The following CDC40 variants were observed in gnomAD, a reference collection of about 807,000 sequenced individuals.
The protein encoded by CDC40 is pre-mRNA-processing factor 17.
In CDC40, 27 loss-of-function variants were observed where a neutral mutation model predicts 80.6. The ratio of observed to expected loss-of-function variants is 0.33; its 90% confidence interval spans 0.25 to 0.46. CDC40 has a LOEUF of 0.46. Among genes scored for constraint, CDC40 ranks in the 20% least tolerant of loss-of-function variants. The pLI is 1.00. For missense variants in CDC40, 486 were observed against 694.1 expected, an observed-to-expected ratio of 0.70 and a Z score of 3.37; for synonymous variants, 221 against 232.6, an observed-to-expected ratio of 0.95 and a Z score of 0.45.
intron 3 of CDC40, among the ~76,000 whole-genome samples, chr6:110,207,162 A>G (rs1435202798): frequency 1.3e-5 from 2 of 152,058 alleles, no homozygotes; most frequent in Admixed American, 1.3e-4. Flanking sequence ...AAAAAATACA[A>G]AAGTTAGCTA....
At chr6:110,198,015 C>G (rs1403463402) in intron 2 of CDC40, among the ~76,000 whole-genome samples, 3 of 152,130 alleles carry the variant, frequency 2.0e-5, no homozygotes, top group Admixed American at 2.0e-4. Flanking sequence ...TTCCCACCAA[C>G]AGTATACAAG....
chr6:110,204,658 T>TC (rs1278543351), intron 3 of CDC40, among the ~76,000 whole-genome samples: 1 of 140,608 alleles, frequency 7.1e-6, no homozygotes, highest in African/African-American at 2.8e-5. Flanking sequence ...GTCCTATTTC[T>TC]CTTTTTTTTT....
At chr6:110,224,987 G>C (rs558035682) in intron 12 of CDC40, among the ~76,000 whole-genome samples, 2 of 152,166 alleles carry the variant, frequency 1.3e-5, no homozygotes, top group South Asian at 4.2e-4. Context: ...TAATACTTTT[G>C]GTTCATTATA....
At chr6:110,229,772 T>G (rs1461744382) in intron 14 of CDC40, among the ~76,000 whole-genome samples, 182 bp from the exon 15 acceptor site, 2 of 152,134 alleles carry the variant, frequency 1.3e-5, no homozygotes, top group Non-Finnish European at 2.9e-5. Context: ...GTTGGGAGGT[T>G]TTTTTAATAG....
chr6:110,198,863 G>A (rs1712850002), intron 2 of CDC40: 1 of 152,096 alleles, frequency 6.6e-6, no homozygotes, highest in Admixed American at 6.5e-5. Flanking sequence ...AATCAAATTT[G>A]TGTGTTTTCC....
intron 2 of CDC40, among the ~76,000 whole-genome samples, chr6:110,198,508 T>C (rs1381546942): frequency 1.3e-5 from 2 of 152,170 alleles, no homozygotes; most frequent in East Asian, 1.9e-4. Flanking sequence ...TTTTGAGGAA[T>C]GCTGAGAAAT....
rs74696631 is a variant in CDC40, at chr6:110,207,653, G to A, written c.490+64G>A. 4,392 of 885,550 alleles carry A rather than the reference G, an allele frequency of 5.0e-3. 127 individuals carry two copies. In the African/African-American group the frequency reaches 0.065, roughly 13 times the overall value. The allele number at this position is 885,550 out of a possible 1,614,324, so 54.9% of individuals were successfully genotyped here. A position where few individuals can be genotyped will look rare whatever the true frequency, so the allele number is the denominator to read the frequency against. On this transcript the variant is annotated intron_variant, in intron 4 of 14. Transcript: ENST00000307731. ...ACATCTATAATTAGTGTCTTGCAGA[G>A]TGACTTTAATTAGACAGTAAAAAAT...
intron 8 of CDC40, among the ~76,000 whole-genome samples, chr6:110,213,724 G>C (rs1777666327): frequency 6.6e-6 from 1 of 152,120 alleles, no homozygotes; most frequent in Non-Finnish European, 1.5e-5. Flanking sequence ...TTTTTAGAAA[G>C]TAGAAAATGT....
intron 1 of CDC40, among the ~76,000 whole-genome samples, chr6:110,188,120 C>T (rs1169806311): frequency 6.6e-6 from 1 of 152,094 alleles, no homozygotes. Flanking sequence ...TTAAATTGTA[C>T]TTTGCATTTA....
rs1349349636 is a variant in CDC40, at chr6:110,230,003, A to C, written c.1612A>C (p.Lys538Gln). The change falls in exon 15 of 15, where the codon AAG (lysine) becomes CAG (glutamine). Residue 538 changes from lysine (K) to glutamine (Q), a missense_variant. Physicochemically the swap from Lys to Gln is moderately conservative, Grantham distance 53. Transcript: ENST00000307731. ...GNGKLNIWDW[K>Q]TTKLYSRFKA... ...TGGAAAATTAAACATTTGGGACTGG[A>C]AGACCACAAAACTCTACAGTCGATT... 1 of 1,612,276 alleles carries C rather than the reference A, an allele frequency of 6.2e-7. No homozygotes were observed. The highest frequency in any genetic ancestry group is 1.7e-5 in the Admixed American group (1 of 60,008).
At chr6:110,199,189 G>A (rs904925671) in intron 2 of CDC40, among the ~76,000 whole-genome samples, 4 of 152,152 alleles carry the variant, frequency 2.6e-5, no homozygotes, top group African/African-American at 9.7e-5. Flanking sequence ...CATATGTGAA[G>A]TTTTAGATTG....
intron 12 of CDC40, 121 bp downstream of exon 12, chr6:110,219,990 C>A: frequency 3.1e-6 from 3 of 972,540 alleles, no homozygotes; most frequent in Non-Finnish European, 4.5e-6. Flanking sequence ...GTGATCCTGG[C>A]TTGCCAATCA....
chr6:110,183,943 A>T (rs1335359427), intron 1 of CDC40, among the ~76,000 whole-genome samples: 1 of 151,520 alleles, frequency 6.6e-6, no homozygotes, highest in Non-Finnish European at 1.5e-5. Flanking sequence ...TGTGTTGCAA[A>T]TTTTTTTTCT....
At chr6:110,227,979 G>A (rs913426574) in intron 13 of CDC40, among the ~76,000 whole-genome samples, 2 of 152,150 alleles carry the variant, frequency 1.3e-5, no homozygotes, top group Admixed American at 6.5e-5. Flanking sequence ...GAAATGCAGT[G>A]TTAGGTGATT....
chr6:110,187,903 A>T (rs565185125), intron 1 of CDC40, among the ~76,000 whole-genome samples: 143 of 152,348 alleles, frequency 9.4e-4, no homozygotes, highest in African/African-American at 2.8e-3. Context: ...TTCCAATTGC[A>T]TACCTAATTG....
intron 1 of CDC40, among the ~76,000 whole-genome samples, chr6:110,191,148 A>G (rs1777344279): frequency 1.3e-5 from 2 of 152,138 alleles, no homozygotes; most frequent in South Asian, 4.1e-4. Context: ...GTCTTTCTAG[A>G]GTGGTCAAAT....
rs1288324006 is a variant in CDC40, at chr6:110,230,920, G to C, written c.*789G>C. 6.6e-6 allele frequency: 1 copy of C among 152,218 alleles called. No individual in the cohort carries two copies. Among genetic ancestry groups the C allele is most frequent in the South Asian group, 2.1e-4 (1 of 4,834 alleles). 9.4% of individuals were successfully genotyped at this position (152,218 alleles called of 1,614,324 possible). A position where few individuals can be genotyped will look rare whatever the true frequency, so the allele number is the denominator to read the frequency against. On this transcript the variant is annotated 3_prime_UTR_variant, in exon 15 of 15. Coordinates refer to ENST00000307731, the MANE Select transcript of CDC40 (RefSeq NM_015891.3). Reference sequence around the variant, plus strand: ...GCTTTGAGAAATCAGGATCTCCTAGGTCATTGCTTCGCAGCTGTGATTACT... The same window carrying C: ...GCTTTGAGAAATCAGGATCTCCTAGCTCATTGCTTCGCAGCTGTGATTACT...
chr6:110,199,578 A>AGG (rs1382378396), intron 2 of CDC40, among the ~76,000 whole-genome samples: 1 of 146,708 alleles, frequency 6.8e-6, no homozygotes, highest in Non-Finnish European at 1.5e-5. Context: ...TGGGTGACAG[A>AGG]GGGAGACCCT....
In CDC40 at chr6:110,205,949, TCTC is replaced by T. The variant is rs770432977; in HGVS notation, c.407-1553_407-1551del. ...AGGCTGATTTTCTGCCACCAAGCTC[TCTC>T]CTCTGGTTAAGAACATATTTTAATG... On this transcript the variant is annotated intron_variant, in intron 3 of 14. Transcript: ENST00000307731. Among the ~76,000 whole-genome samples, 6 of 152,174 alleles carry T rather than the reference TCTC, an allele frequency of 3.9e-5. No individual in the cohort carries two copies. In the East Asian group the frequency reaches 7.7e-4, roughly 20 times the overall value.
Sources: allele counts gnomAD v4.1 joint callset (sites outside exome capture counted in the v4.1 genomes callset), GRCh38; gene constraint gnomAD v4.1.1; transcripts MANE v1.5; gene names NCBI Gene and HGNC (gene_info 2026-07-23, HGNC 2026-07-21).